KDM2B: variants seen among roughly 807,000 people sequenced by gnomAD.
The protein encoded by KDM2B is lysine demethylase 2B, also known as lysine-specific demethylase 2B.
KDM2B carries 26 observed loss-of-function variants against 150.0 expected under a neutral mutation model. The observed-to-expected ratio is 0.17, with a 90% CI of 0.13 to 0.24. The LOEUF (loss-of-function observed/expected upper bound fraction) is 0.24, where lower values mean the gene tolerates loss of function less well. Among genes scored for constraint, KDM2B ranks in the 10% least tolerant of loss-of-function variants. The pLI is 1.00. For synonymous variants in KDM2B, 734 were observed against 729.5 expected, an observed-to-expected ratio of 1.01 and a Z score of -0.10; for missense variants, 1,265 against 1,816.9, an observed-to-expected ratio of 0.70 and a Z score of 5.52.
intron 17 of KDM2B, chr12:121,443,411 G>A (rs1276816623): frequency 1.7e-6 from 1 of 581,894 alleles, no homozygotes; most frequent in Admixed American, 3.1e-5. Context: ...CCTTGTGGCT[G>A]GTGACAGCAC....
chr12:121,478,866 T>TTGTTTGTTTGTGTGTGTGTGTGTG (rs61509046), intron 12 of KDM2B, among the ~76,000 whole-genome samples: 1,420 of 131,168 alleles, frequency 0.011, 12 homozygotes, highest in Middle Eastern at 0.016. Context: ...TTTTGTTTGT[T>TTGTTTGTTTGTGTGTGTGTGTGTG]TGTGTGTGTG....
intron 13 of KDM2B, among the ~76,000 whole-genome samples, chr12:121,450,209 G>A (rs1465893999): frequency 4.0e-5 from 6 of 151,882 alleles, no homozygotes; most frequent in African/African-American, 1.5e-4. Flanking sequence ...AGCTACTTGG[G>A]AGGCTGAGGT....
rs1886657478 is a variant in KDM2B, at chr12:121,521,197, G to T, written c.932-97C>A. 2 of 796,478 alleles carry T rather than the reference G, an allele frequency of 2.5e-6. No homozygotes were observed. Among genetic ancestry groups the T allele is most frequent in the Non-Finnish European group, 2.1e-6 (1 of 473,300 alleles). 49.3% of individuals were successfully genotyped at this position (796,478 alleles called of 1,614,324 possible). On this transcript the variant is annotated intron_variant, in intron 8 of 22. Transcript: ENST00000377071. This position sits in a 1 kb window ranked among gnomAD's most constrained non-coding sequence, Gnocchi z 4.9. ...GGAGGGAGAGCGAGCGTGCAGGAGGGTGCAGGGAGTGGAGAAGAGCAGCCA... is the reference window on the plus strand; with the variant it reads ...GGAGGGAGAGCGAGCGTGCAGGAGGTTGCAGGGAGTGGAGAAGAGCAGCCA...
intron 16 of KDM2B, 104 bp from the exon 17 acceptor site, chr12:121,443,897 G>A (rs782273630): frequency 5.6e-6 from 8 of 1,440,922 alleles, no homozygotes; most frequent in Non-Finnish European, 7.5e-6. Context: ...GGCAGCAAGA[G>A]GCCGGGATTA....
chr12:121,453,390 A>G lies in KDM2B; in HGVS notation c.1735-46T>C. 6.9e-7 allele frequency: 1 copy of G among 1,458,282 alleles called. No homozygotes were observed. 90.3% of individuals were successfully genotyped at this position (1,458,282 alleles called of 1,614,324 possible). A position where few individuals can be genotyped will look rare whatever the true frequency, so the allele number is the denominator to read the frequency against. The stretch of plus-strand genomic sequence containing the variant: ...CTGGTCAGATGGGGAGACTGCAGGC[A>G]CGGCCAGACCCCCGGAAAGGGTGTT... On this transcript the variant is annotated intron_variant, in intron 12 of 22. Transcript: ENST00000377071. The surrounding 1 kb of genome is among the most constrained non-coding windows in gnomAD (Gnocchi z 6.4).
the KDM2B span, chr12:121,415,224 T>C: frequency 7.2e-5 from 18 of 248,432 alleles, no homozygotes; most frequent in Admixed American, 6.8e-4. Flanking sequence ...TTTCAGTTGG[T>C]GTTTTGATGT....
In KDM2B at chr12:121,433,056, C is replaced by T. The variant is rs1715494622; in HGVS notation, c.3830-2587G>A. 5 of 445,502 alleles carry T rather than the reference C, an allele frequency of 1.1e-5. No homozygotes were observed. The Admixed American group carries it at 1.2e-4, about 11-fold the overall frequency. 27.6% of individuals were successfully genotyped at this position (445,502 alleles called of 1,614,324 possible). ...GGCAGCACTTGGTGTGAAGTGAGAC[C>T]TGGAGGCCCAGCTGGCTCCTTTTCT... On this transcript the variant is annotated intron_variant, in intron 22 of 22. Transcript: ENST00000377071.
intron 4 of KDM2B, among the ~76,000 whole-genome samples, chr12:121,561,199 G>A (rs994493364): frequency 2.0e-5 from 3 of 152,150 alleles, no homozygotes; most frequent in Non-Finnish European, 4.4e-5. Flanking sequence ...GGGCCAGGAC[G>A]AGGCTGCTGA....
intron 12 of KDM2B, among the ~76,000 whole-genome samples, chr12:121,476,487 A>T (rs531123454): frequency 0.016 from 2,309 of 144,250 alleles, 42 homozygotes; most frequent in African/African-American, 0.035. Flanking sequence ...TTTTGTTTTT[A>T]AAAAAAAAAA....
At position 121,453,944 on chromosome 12, in the gene KDM2B, C is replaced by A. The variant is rs1274570260; in HGVS notation, c.1735-600G>T. On this transcript the variant is annotated intron_variant, in intron 12 of 22. Coordinates refer to ENST00000377071, the MANE Select transcript of KDM2B (RefSeq NM_032590.5). The surrounding 1 kb of genome is among the most constrained non-coding windows in gnomAD (Gnocchi z 6.4). ...AGGCTCGGACCCTGCCCACCTTTCC[C>A]ACCTCCGTCTGCTCCCCAAGAAAGA... is the stretch of plus-strand genomic sequence containing the variant. 1.3e-5 allele frequency among the ~76,000 whole-genome samples: 2 copies of A among 152,184 alleles called. No homozygotes were observed. The highest frequency in any genetic ancestry group is 2.9e-5 in the Non-Finnish European group (2 of 68,040).
At chr12:121,554,277 G>A (rs1373530723) in intron 4 of KDM2B, among the ~76,000 whole-genome samples, 2 of 151,996 alleles carry the variant, frequency 1.3e-5, no homozygotes, top group Non-Finnish European at 2.9e-5. Flanking sequence ...TGTATGGTCT[G>A]TGACTTATAT....
chr12:121,541,723 T>C (rs1254650828), intron 6 of KDM2B, among the ~76,000 whole-genome samples: 1 of 152,146 alleles, frequency 6.6e-6, no homozygotes, highest in Non-Finnish European at 1.5e-5. Flanking sequence ...GCCAAACCTA[T>C]GCTTTATGTG....
chr12:121,415,498 C>T, the KDM2B span, among the ~76,000 whole-genome samples: 1 of 151,962 alleles, frequency 6.6e-6, no homozygotes, highest in South Asian at 2.1e-4. Context: ...TGCCTGTAAT[C>T]CTAGTTACTC....
At chr12:121,491,770 G>GGCAACAGAGT in intron 12 of KDM2B, among the ~76,000 whole-genome samples, 2 of 147,940 alleles carry the variant, frequency 1.4e-5, no homozygotes, top group South Asian at 4.3e-4. Context: ...CTCCAGCCTG[G>GGCAACAGAGT]TGACAAGAGC....
chr12:121,446,934 T>C (rs2138414274), intron 13 of KDM2B, among the ~76,000 whole-genome samples: 1 of 152,302 alleles, frequency 6.6e-6, no homozygotes, highest in East Asian at 1.9e-4. Flanking sequence ...GACCAATACA[T>C]GGTGTTACAA....
In KDM2B at chr12:121,444,507, G is replaced by C. The variant is rs371581440; in HGVS notation, c.2133C>G (p.Asp711Glu). ...KIKESEGVVN[D>E]ELPNCWECPK... ...GACACTCCCAGCAGTTTGGAAGCTC[G>C]TCGTTGACCACACCCTCTGACTCCT... The change falls in exon 15 of 23, where the codon GAC (aspartate) becomes GAG (glutamate). Residue 711 changes from aspartate to glutamate, a missense_variant. Coordinates refer to ENST00000377071, the MANE Select transcript of KDM2B (RefSeq NM_032590.5). 1 of 1,614,018 alleles carries C rather than the reference G, an allele frequency of 6.2e-7. No homozygotes were observed. Among genetic ancestry groups the C allele is most frequent in the Admixed American group, 1.7e-5 (1 of 60,000 alleles).
At chr12:121,415,703 C>G in the KDM2B span, among the ~76,000 whole-genome samples, 1 of 152,054 alleles carries the variant, frequency 6.6e-6, no homozygotes, top group South Asian at 2.1e-4. Flanking sequence ...GACTGTAGAA[C>G]TGTGGTGCAA....
intron 4 of KDM2B, among the ~76,000 whole-genome samples, chr12:121,571,159 G>C (rs1407401322): frequency 6.6e-6 from 1 of 152,240 alleles, no homozygotes; most frequent in Non-Finnish European, 1.5e-5. Flanking sequence ...ACACAAGGCA[G>C]ATTAGCAGTC....
chr12:121,542,917 A>G lies in KDM2B; in HGVS notation c.683+5960T>C, dbSNP rs797034705. On this transcript the variant is annotated intron_variant, in intron 6 of 22. Transcript: ENST00000377071. ...TATGCACTGAAGTCCACCCACTACT[A>G]CATAGAATCATGTCTTGCACATAAG... Among the ~76,000 whole-genome samples the G allele has an allele frequency of 4.6e-5, 7 of 152,206 alleles. No homozygotes were observed. In the South Asian group the frequency reaches 8.3e-4, roughly 18 times the overall value.
Sources: gnomAD v4.1 joint callset for allele counts (sites outside exome capture counted in the v4.1 genomes callset) on GRCh38, gnomAD v4.1.1 for gene constraint, Gnocchi (gnomAD v3.1) non-coding constraint, MANE v1.5 for transcripts, NCBI Gene and HGNC (gene_info 2026-07-23, HGNC 2026-07-21) for gene names.